CCDC73: variants seen among roughly 807,000 people sequenced by gnomAD.
The protein encoded by CCDC73 is coiled-coil domain containing 73.
A neutral mutation model predicts 116.5 loss-of-function variants in CCDC73; 95 were observed. The ratio of observed to expected loss-of-function variants is 0.82; its 90% CI spans 0.69 to 0.97. CCDC73 has a LOEUF of 0.97. Ranked by LOEUF, CCDC73 falls within the 50% of genes least tolerant of loss-of-function variation. The probability of loss-of-function intolerance (pLI) is 0.00; values close to 1 mark genes in which losing one functional copy is unlikely to be tolerated. For synonymous variants in CCDC73, 398 were observed against 401.3 expected, an observed-to-expected ratio of 0.99 and a Z score of 0.10; for missense variants, 1,066 against 1,206.8, an observed-to-expected ratio of 0.88 and a Z score of 1.73.
At chr11:32,746,225 C>A (rs533455620) in intron 2 of CCDC73, among the ~76,000 whole-genome samples, 2 of 152,134 alleles carry the variant, frequency 1.3e-5, no homozygotes, top group African/African-American at 4.8e-5. Context: ...GTTGAAAATT[C>A]TTTTCTTTAA....
chr11:32,738,151 C>T (rs927005180), intron 2 of CCDC73, among the ~76,000 whole-genome samples: 5 of 152,188 alleles, frequency 3.3e-5, no homozygotes, highest in African/African-American at 1.2e-4. Flanking sequence ...GTGAATAGTG[C>T]TACAATAAAC....
chr11:32,636,215 A>T (rs962016866), intron 13 of CCDC73, among the ~76,000 whole-genome samples: 1 of 152,154 alleles, frequency 6.6e-6, no homozygotes, highest in African/African-American at 2.4e-5. Context: ...ATTTATTTAA[A>T]TTCATAAAAA....
intron 6 of CCDC73, among the ~76,000 whole-genome samples, chr11:32,690,995 A>C (rs1856252262): frequency 6.6e-6 from 1 of 151,980 alleles, no homozygotes; most frequent in East Asian, 1.9e-4. Context: ...TGCCCTAAAA[A>C]ACTTCTGTAC....
At chr11:32,742,764 T>A (rs997445421) in intron 2 of CCDC73, among the ~76,000 whole-genome samples, 1 of 152,242 alleles carries the variant, frequency 6.6e-6, no homozygotes, top group East Asian at 1.9e-4. Flanking sequence ...GCCCAGGTTT[T>A]CTTCCAGGAT....
chr11:32,606,355 C>G (rs550779723), intron 17 of CCDC73: 2 of 152,288 alleles, frequency 1.3e-5, no homozygotes, highest in Admixed American at 1.3e-4. Flanking sequence ...GCCAAATGGC[C>G]TCTTACAACT....
chr11:32,641,469 C>T (rs1855732286), intron 13 of CCDC73, among the ~76,000 whole-genome samples: 1 of 151,782 alleles, frequency 6.6e-6, no homozygotes, highest in Admixed American at 6.6e-5. Context: ...TACAACAACC[C>T]TTATGATATG....
chr11:32,812,922 C>G, the CCDC73 span, among the ~76,000 whole-genome samples: 1 of 152,020 alleles, frequency 6.6e-6, no homozygotes, highest in Non-Finnish European at 1.5e-5. Context: ...AAACCACAGT[C>G]GAATACCTAT....
At chr11:32,734,415 AT>A (rs71463367) in intron 2 of CCDC73, among the ~76,000 whole-genome samples, 38,565 of 136,450 alleles carry the variant, frequency 0.28, 5,629 homozygotes, top group South Asian at 0.38. Flanking sequence ...TCCCTAACTC[AT>A]TTTTTTTTCT....
chr11:32,764,001 CA>C (rs1350436804), intron 1 of CCDC73, among the ~76,000 whole-genome samples: 1 of 152,038 alleles, frequency 6.6e-6, no homozygotes, highest in Non-Finnish European at 1.5e-5. Flanking sequence ...GCAACTGAAA[CA>C]AAGGGTATCA....
the CCDC73 span, among the ~76,000 whole-genome samples, chr11:32,816,182 A>T: frequency 6.6e-6 from 1 of 152,164 alleles, no homozygotes; most frequent in Non-Finnish European, 1.5e-5. Context: ...AGATATATTA[A>T]CCTAAAGTGA....
intron 2 of CCDC73, among the ~76,000 whole-genome samples, chr11:32,745,213 T>C (rs1850224945): frequency 6.6e-6 from 1 of 152,126 alleles, no homozygotes; most frequent in Non-Finnish European, 1.5e-5. Context: ...AGTTGAGCAG[T>C]TTTGAGTGAG....
At chr11:32,695,391 C>G (rs528486716) in intron 6 of CCDC73, among the ~76,000 whole-genome samples, 1 of 150,422 alleles carries the variant, frequency 6.6e-6, no homozygotes, top group Non-Finnish European at 1.5e-5. Context: ...AAAGAGCTTG[C>G]CTACAGCTGG....
At chr11:32,781,285 C>G (rs1850581553) in intron 1 of CCDC73, among the ~76,000 whole-genome samples, 1 of 152,134 alleles carries the variant, frequency 6.6e-6, no homozygotes, top group Non-Finnish European at 1.5e-5. Context: ...ACTAAAATGA[C>G]AGTGGTGATT....
At chr11:32,608,492 T>C (rs187629600) in intron 17 of CCDC73, among the ~76,000 whole-genome samples, 175 of 152,300 alleles carry the variant, frequency 1.1e-3, no homozygotes, top group African/African-American at 4.1e-3. Context: ...TCCACACCCC[T>C]GTGGCTTTGC....
At chr11:32,715,749 C>T (rs928671859) in intron 3 of CCDC73, among the ~76,000 whole-genome samples, 2 of 152,114 alleles carry the variant, frequency 1.3e-5, no homozygotes, top group Non-Finnish European at 2.9e-5. Context: ...GAAACCTTTG[C>T]CCAGTAAATA....
At chr11:32,660,141 G>T (rs916489099) in intron 9 of CCDC73, among the ~76,000 whole-genome samples, 1 of 142,684 alleles carries the variant, frequency 7.0e-6, no homozygotes, top group African/African-American at 2.6e-5. Flanking sequence ...CAACCATTAT[G>T]CAAAACAAAG....
intron 14 of CCDC73, among the ~76,000 whole-genome samples, chr11:32,618,607 C>T (rs1363826563): frequency 6.6e-6 from 1 of 152,130 alleles, no homozygotes; most frequent in East Asian, 1.9e-4. Flanking sequence ...GGCTGGAGTG[C>T]AGTGATGCAA....
intron 12 of CCDC73, among the ~76,000 whole-genome samples, chr11:32,644,229 C>A (rs2133252564): frequency 6.6e-6 from 1 of 152,268 alleles, no homozygotes; most frequent in Middle Eastern, 3.4e-3. Flanking sequence ...AAAACTAACA[C>A]AGGAACAGAA....
chr11:32,714,117 T>C (rs1182672697), intron 3 of CCDC73, among the ~76,000 whole-genome samples: 1 of 152,086 alleles, frequency 6.6e-6, no homozygotes, highest in Non-Finnish European at 1.5e-5. Context: ...TACAGAACTT[T>C]GCAAAACCTT....
Sources: gnomAD v4.1 joint callset for allele counts (sites outside exome capture counted in the v4.1 genomes callset) on GRCh38, gnomAD v4.1.1 for gene constraint, MANE v1.5 for transcripts, NCBI Gene and HGNC (gene_info 2026-07-23, HGNC 2026-07-21) for gene names.